AJAP1: variants seen among roughly 807,000 people sequenced by gnomAD.
The protein encoded by AJAP1 is adherens junctions associated protein 1, also known as adherens junction-associated protein 1.
AJAP1 carries 5 observed loss-of-function variants against 35.0 expected under a neutral mutation model. The observed-to-expected ratio is 0.14, with a 90% CI of 0.07 to 0.30. The LOEUF (loss-of-function observed/expected upper bound fraction) is 0.30. Among genes scored for constraint, AJAP1 ranks in the 10% least tolerant of loss-of-function variants. The probability of loss-of-function intolerance (pLI) is 1.00; values close to 1 mark genes in which losing one functional copy is unlikely to be tolerated. For synonymous variants in AJAP1, 284 were observed against 249.3 expected (o/e 1.14, Z -1.31); for missense variants, 586 against 571.0 (o/e 1.03, Z -0.27).
rs911170516 is a variant in AJAP1 at position 4,739,723 on chromosome 1, G to GT, written c.829+27033dup. Among the ~76,000 whole-genome samples, 13 of 150,814 alleles carry GT rather than the reference G, an allele frequency of 8.6e-5. 1 individual carries two copies. Among genetic ancestry groups the GT allele is most frequent in the Admixed American group, 7.3e-4 (11 of 15,120 alleles). On this transcript the variant is annotated intron_variant, in intron 2 of 5. Coordinates refer to ENST00000378191, the MANE Select transcript of AJAP1 (RefSeq NM_018836.4). ...GCAGCAGGTTCTGTTTTTGGTTGTT[G>GT]TTTTTTTTTCTGTTTTCTTTTGTAC...
At chr1:4,699,149 G>T (rs528998976) in intron 1 of AJAP1, among the ~76,000 whole-genome samples, 2 of 152,144 alleles carry the variant, frequency 1.3e-5, no homozygotes, top group Non-Finnish European at 2.9e-5. Flanking sequence ...TCGCCCCAGG[G>T]TGCGTGGTGA....
chr1:4,677,574 G>A (rs2100523933), intron 1 of AJAP1, among the ~76,000 whole-genome samples: 1 of 150,456 alleles, frequency 6.6e-6, no homozygotes, highest in East Asian at 2.0e-4. Flanking sequence ...AAGGGATTAA[G>A]GAGGGAAGGA....
At chr1:4,738,039 G>A (rs769652492) in intron 2 of AJAP1, among the ~76,000 whole-genome samples, 1 of 152,236 alleles carries the variant, frequency 6.6e-6, no homozygotes, top group Non-Finnish European at 1.5e-5. Context: ...ACCTGCCTGG[G>A]GGAAACAGCT....
At chr1:4,773,072 T>C (rs1192902038) in intron 4 of AJAP1, among the ~76,000 whole-genome samples, 1 of 152,192 alleles carries the variant, frequency 6.6e-6, no homozygotes, top group Non-Finnish European at 1.5e-5. Context: ...TCCCTGGGAA[T>C]ATTTAAAAAA....
chr1:4,723,293 A>G lies in AJAP1; in HGVS notation c.829+10594A>G, dbSNP rs1456316346. 6.6e-6 allele frequency among the ~76,000 whole-genome samples: 1 copy of G among 152,116 alleles called. No individual in the cohort carries two copies. Among genetic ancestry groups the G allele is most frequent in the African/African-American group, 2.4e-5 (1 of 41,418 alleles). ...GCCACCCTGGCGGCCGTCCAAGGGG[A>G]GCGCCTGTGGATACTCCTTGGATTC... On this transcript the variant is annotated intron_variant, in intron 2 of 5. Coordinates refer to ENST00000378191, the MANE Select transcript of AJAP1 (RefSeq NM_018836.4). This position sits in a 1 kb window ranked among gnomAD's most constrained non-coding sequence, Gnocchi z 4.3.
At chr1:4,729,743 G>T (rs540225726) in intron 2 of AJAP1, among the ~76,000 whole-genome samples, 17 of 152,296 alleles carry the variant, frequency 1.1e-4, no homozygotes, top group African/African-American at 4.1e-4. Flanking sequence ...TCCAAATAAG[G>T]TCACAGTTCA....
At chr1:4,682,766 A>G (rs1349307525) in intron 1 of AJAP1, among the ~76,000 whole-genome samples, 1 of 152,078 alleles carries the variant, frequency 6.6e-6, no homozygotes, top group African/African-American at 2.4e-5. Context: ...GATGATGGTG[A>G]TTATGATGTT....
At chr1:4,699,251 C>T (rs959654778) in intron 1 of AJAP1, among the ~76,000 whole-genome samples, 2 of 152,280 alleles carry the variant, frequency 1.3e-5, no homozygotes, top group Middle Eastern at 3.4e-3. Flanking sequence ...CACGCTGCAC[C>T]CTGCCCACCT....
Position 4,707,549 on chromosome 1 carries a change from G to T in AJAP1, c.30-4351G>T, listed in dbSNP as rs140002746. On this transcript the variant is annotated intron_variant, in intron 1 of 5. Transcript: ENST00000378191. ...TGCCTGGCTTCTTTCCCTGCTCAGGGTTTTCAAGGTGCTTCCACATTGTAG... is the reference window on the plus strand; with the variant it reads ...TGCCTGGCTTCTTTCCCTGCTCAGGTTTTTCAAGGTGCTTCCACATTGTAG... 4.6e-3 allele frequency among the ~76,000 whole-genome samples: 707 copies of T among 152,292 alleles called. 5 individuals are homozygous for T. Among genetic ancestry groups the T allele is most frequent in the African/African-American group, 0.016 (665 of 41,570 alleles).
In AJAP1 at chr1:4,734,412, C is replaced by T. The variant is rs1161630944; in HGVS notation, c.829+21713C>T. 1.3e-5 allele frequency among the ~76,000 whole-genome samples: 2 copies of T among 152,112 alleles called. No individual in the cohort carries two copies. Among genetic ancestry groups the T allele is most frequent in the Non-Finnish European group, 2.9e-5 (2 of 68,026 alleles). ...ATCTTAAATCAGCAGAGGCAGAGGC[C>T]CCGAGAGGTTAAGTGACTTGCCTGA... On this transcript the variant is annotated intron_variant, in intron 2 of 5. Transcript: ENST00000378191. The surrounding 1 kb of genome is among the most constrained non-coding windows in gnomAD (Gnocchi z 4.3).
chr1:4,676,629 G>A (rs1333150693), intron 1 of AJAP1, among the ~76,000 whole-genome samples: 2 of 152,158 alleles, frequency 1.3e-5, no homozygotes, highest in Non-Finnish European at 1.5e-5. Context: ...ATGGGGGGAC[G>A]GGAGTGAGGG....
At chr1:4,702,380 CTT>C (rs1042317161) in intron 1 of AJAP1, among the ~76,000 whole-genome samples, 37 of 152,344 alleles carry the variant, frequency 2.4e-4, no homozygotes, top group African/African-American at 7.7e-4. Flanking sequence ...AAGATTAGTG[CTT>C]TGTCACGTAT....
At chr1:4,688,350 C>T (rs1390212252) in intron 1 of AJAP1, among the ~76,000 whole-genome samples, 1 of 152,122 alleles carries the variant, frequency 6.6e-6, no homozygotes, top group Non-Finnish European at 1.5e-5. Flanking sequence ...TGAAATGCAA[C>T]CTGTGAGAAA....
intron 1 of AJAP1, among the ~76,000 whole-genome samples, chr1:4,688,014 C>G (rs1428805156): frequency 6.6e-6 from 1 of 152,206 alleles, no homozygotes; most frequent in Non-Finnish European, 1.5e-5. Context: ...GGGGTCCAGC[C>G]TGTCCCAGTG....
chr1:4,665,674 A>G (rs953696906), intron 1 of AJAP1, among the ~76,000 whole-genome samples: 2 of 151,966 alleles, frequency 1.3e-5, no homozygotes, highest in African/African-American at 4.8e-5. Context: ...CGTGACAGGT[A>G]TGGTAGCCAC....
At chr1:4,679,106 A>G (rs1245124788) in intron 1 of AJAP1, among the ~76,000 whole-genome samples, 1 of 152,216 alleles carries the variant, frequency 6.6e-6, no homozygotes, top group Non-Finnish European at 1.5e-5. Flanking sequence ...GAGACAGCTC[A>G]GTGCCATGCA....
intron 2 of AJAP1, among the ~76,000 whole-genome samples, chr1:4,727,740 A>T (rs181206489): frequency 2.0e-5 from 3 of 152,128 alleles, no homozygotes; most frequent in African/African-American, 7.2e-5. Flanking sequence ...GGACTCTCCC[A>T]TGTTTAGTAA....
intron 1 of AJAP1, among the ~76,000 whole-genome samples, chr1:4,674,095 A>G (rs1340695785): frequency 6.6e-6 from 1 of 151,450 alleles, no homozygotes; most frequent in Admixed American, 6.6e-5. Context: ...TCTTTCAAAT[A>G]CAAATGTTAC....
At chr1:4,757,776 T>C (rs1190741869) in intron 2 of AJAP1, among the ~76,000 whole-genome samples, 1 of 152,228 alleles carries the variant, frequency 6.6e-6, no homozygotes, top group Admixed American at 6.5e-5. Context: ...GCCCAGTGCC[T>C]GCACACAGTA....
Sources: allele counts gnomAD v4.1 joint callset (sites outside exome capture counted in the v4.1 genomes callset), GRCh38; gene constraint gnomAD v4.1.1; non-coding constraint Gnocchi (gnomAD v3.1); transcripts MANE v1.5; gene names NCBI Gene and HGNC (gene_info 2026-07-23, HGNC 2026-07-21).